Variants in SLC4A10 observed in about 807,000 individuals in gnomAD.
The protein encoded by SLC4A10 is sodium-driven chloride bicarbonate exchanger.
SLC4A10 carries 42 observed loss-of-function variants against 137.7 expected under a neutral mutation model. That is an observed-to-expected ratio of 0.30 (90% CI 0.24 to 0.39). The LOEUF is 0.39. Among genes scored for constraint, SLC4A10 ranks in the 10% least tolerant of loss-of-function variants. SLC4A10 has a pLI of 1.00. For synonymous variants in SLC4A10, 474 were observed against 464.1 expected (o/e 1.02, Z -0.27); for missense variants, 925 against 1,355.0 (o/e 0.68, Z 4.98).
At chr2:161,812,390 T>A (rs770681333) in intron 3 of SLC4A10, among the ~76,000 whole-genome samples, 4 of 151,798 alleles carry the variant, frequency 2.6e-5, no homozygotes, top group Non-Finnish European at 5.9e-5. Context: ...AACTTTGAAT[T>A]TGGGGGTACA....
chr2:161,711,193 T>C (rs1384226256), intron 1 of SLC4A10, among the ~76,000 whole-genome samples: 2 of 151,836 alleles, frequency 1.3e-5, no homozygotes, highest in Non-Finnish European at 2.9e-5. Context: ...GCATGTTGTA[T>C]AAGCCATCAT....
chr2:161,678,502 C>T (rs1048360747), intron 1 of SLC4A10, among the ~76,000 whole-genome samples: 5 of 152,200 alleles, frequency 3.3e-5, no homozygotes, highest in Non-Finnish European at 7.4e-5. Context: ...TACAATAAGT[C>T]GCATTAATCT....
At chr2:161,845,111 T>C (rs957885842) in intron 4 of SLC4A10, among the ~76,000 whole-genome samples, 1 of 152,142 alleles carries the variant, frequency 6.6e-6, no homozygotes, top group Non-Finnish European at 1.5e-5. Context: ...ATTTTGCAAC[T>C]GACAGTATAT....
chr2:161,967,996 C>T (rs929539494), intron 23 of SLC4A10, among the ~76,000 whole-genome samples: 5 of 151,150 alleles, frequency 3.3e-5, no homozygotes, highest in Non-Finnish European at 7.4e-5. Flanking sequence ...CGAACACAGC[C>T]CCAGACATAT....
intron 15 of SLC4A10, among the ~76,000 whole-genome samples, chr2:161,933,899 G>T (rs184630421): frequency 1.3e-5 from 2 of 152,044 alleles, no homozygotes; most frequent in Non-Finnish European, 2.9e-5. Flanking sequence ...AAGAAACTCC[G>T]TACTGTTTTC....
rs1376645949 is a variant in SLC4A10 at position 161,976,845 on chromosome 2, A to G, written c.3313A>G (p.Lys1105Glu). 1 of 1,600,076 alleles carries G rather than the reference A, an allele frequency of 6.2e-7. No individual in the cohort carries two copies. Among genetic ancestry groups the G allele is most frequent in the Non-Finnish European group, 8.5e-7 (1 of 1,172,818 alleles). The change falls in exon 25 of 27, where the codon AAA (lysine) becomes GAA (glutamate). Residue 1105 changes from lysine (K) to glutamate (E), a missense_variant. By Grantham distance (56) the Lys-to-Glu change is moderately conservative. Coordinates refer to ENST00000446997, the MANE Select transcript of SLC4A10 (RefSeq NM_001178015.2). Reference sequence around the variant, plus strand: ...CCTTCTGATTACTGCCGATAACTCAAAAGATAAGGAGTCAAGCTTTCCTTC... The same window carrying G: ...CCTTCTGATTACTGCCGATAACTCAGAAGATAAGGAGTCAAGCTTTCCTTC... The part of the protein sequence containing the change: ...RNLLITADNS[K>E]DKESSFPSKS...
intron 1 of SLC4A10, among the ~76,000 whole-genome samples, chr2:161,683,678 G>A (rs1034921181): frequency 6.6e-6 from 1 of 152,058 alleles, no homozygotes; most frequent in Non-Finnish European, 1.5e-5. Context: ...CAGTAAATCT[G>A]TTTTATGGTA....
rs139191754 is a variant in SLC4A10, at chr2:161,853,944, T to C, written c.417-1026T>C. On this transcript the variant is annotated intron_variant, in intron 4 of 26. Coordinates refer to ENST00000446997, the MANE Select transcript of SLC4A10 (RefSeq NM_001178015.2). The stretch of plus-strand genomic sequence containing the variant: ...GGTTAGTTACTTTTGGCTAATCCAC[T>C]TGATTCCCTAACTAGTTACTCCCAC... Among the ~76,000 whole-genome samples the C allele has an allele frequency of 1.7e-3, 255 of 152,346 alleles. 2 individuals carry two copies. Among genetic ancestry groups the C allele is most frequent in the African/African-American group, 5.9e-3 (246 of 41,588 alleles).
At chr2:161,807,214 C>A (rs2056077962) in intron 3 of SLC4A10, among the ~76,000 whole-genome samples, 1 of 152,122 alleles carries the variant, frequency 6.6e-6, no homozygotes. Context: ...TGTGAGAATT[C>A]AAGATGAGAT....
intron 1 of SLC4A10, among the ~76,000 whole-genome samples, chr2:161,643,936 A>G (rs1391004569): frequency 6.6e-6 from 1 of 152,182 alleles, no homozygotes; most frequent in Non-Finnish European, 1.5e-5. Context: ...GTGATTCCAA[A>G]TAAGAGGATT....
chr2:161,803,339 T>TA (rs1386370628), intron 2 of SLC4A10, among the ~76,000 whole-genome samples: 1 of 152,162 alleles, frequency 6.6e-6, no homozygotes, highest in African/African-American at 2.4e-5. Context: ...GTACATTTGT[T>TA]ACAATTGATA....
intron 4 of SLC4A10, among the ~76,000 whole-genome samples, chr2:161,843,800 C>G (rs1427493605): frequency 2.0e-5 from 3 of 152,112 alleles, no homozygotes; most frequent in Non-Finnish European, 4.4e-5. Context: ...TCTACCCTCA[C>G]AGCAGAAACA....
chr2:161,858,746 G>C (rs980271939), intron 5 of SLC4A10, among the ~76,000 whole-genome samples: 6 of 152,132 alleles, frequency 3.9e-5, no homozygotes. Flanking sequence ...TTCTGTCAAT[G>C]AGAGTTAGGA....
chr2:161,983,826 CTTG>C lies in SLC4A10; in HGVS notation c.*677_*679del. 6.6e-6 allele frequency: 1 copy of C among 152,242 alleles called. No homozygotes were observed. Among genetic ancestry groups the C allele is most frequent in the African/African-American group, 2.4e-5 (1 of 41,522 alleles). The allele number at this position is 152,242 out of a possible 1,614,324, so 9.4% of individuals were successfully genotyped here. A position where few individuals can be genotyped will look rare whatever the true frequency, so the allele number is the denominator to read the frequency against. ...AAAATATATAGAAACCTATTTACAA[CTTG>C]TTAAGGACAATCAGACATAATGCAG... On this transcript the variant is annotated 3_prime_UTR_variant, in exon 27 of 27. Transcript: ENST00000446997.
intron 1 of SLC4A10, among the ~76,000 whole-genome samples, chr2:161,658,970 T>C (rs2037931715): frequency 6.6e-6 from 1 of 152,130 alleles, no homozygotes; most frequent in Admixed American, 6.6e-5. Context: ...TAGATTAATA[T>C]AGCCTCCATG....
chr2:161,684,705 T>C (rs1481162312), intron 1 of SLC4A10, among the ~76,000 whole-genome samples: 3 of 152,192 alleles, frequency 2.0e-5, no homozygotes, highest in Non-Finnish European at 4.4e-5. Flanking sequence ...TCAATGAAAA[T>C]GCTTGACTCA....
At chr2:161,710,099 C>T (rs959109850) in intron 1 of SLC4A10, among the ~76,000 whole-genome samples, 1 of 151,600 alleles carries the variant, frequency 6.6e-6, no homozygotes, top group African/African-American at 2.4e-5. Flanking sequence ...ATTAAAAACA[C>T]ATTCTGCCTA....
At chr2:161,783,119 A>G (rs149466582) in intron 2 of SLC4A10, among the ~76,000 whole-genome samples, 200 of 152,166 alleles carry the variant, frequency 1.3e-3, no homozygotes, top group African/African-American at 4.4e-3. Context: ...AAATTTCATA[A>G]GAGTATAAGT....
intron 1 of SLC4A10, among the ~76,000 whole-genome samples, chr2:161,705,557 A>G (rs1443076242): frequency 6.6e-6 from 1 of 151,616 alleles, no homozygotes; most frequent in African/African-American, 2.4e-5. Context: ...TTGCATCTCC[A>G]AAGTTCATAT....
Sources: gnomAD v4.1 joint callset for allele counts (sites outside exome capture counted in the v4.1 genomes callset) on GRCh38, gnomAD v4.1.1 for gene constraint, MANE v1.5 for transcripts, NCBI Gene and HGNC (gene_info 2026-07-23, HGNC 2026-07-21) for gene names.